Variants in CTNNA2 observed in about 807,000 individuals in gnomAD.
CTNNA2 encodes catenin alpha 2.
A neutral mutation model predicts 101.0 loss-of-function variants in CTNNA2; 42 were observed. That is an observed-to-expected ratio of 0.42 (90% CI 0.32 to 0.54). The LOEUF (loss-of-function observed/expected upper bound fraction) is 0.54, where lower values mean the gene tolerates loss of function less well. CTNNA2 is among the 20% of genes least tolerant of loss of function. CTNNA2 has a pLI of 0.14. For missense variants in CTNNA2, 871 were observed against 1,223.1 expected, an observed-to-expected ratio of 0.71 and a Z score of 4.29; for synonymous variants, 450 against 456.4, an observed-to-expected ratio of 0.99 and a Z score of 0.18.
chr2:79,922,783 G>A (rs992468350), intron 7 of CTNNA2, among the ~76,000 whole-genome samples: 7 of 151,846 alleles, frequency 4.6e-5, no homozygotes, highest in African/African-American at 7.3e-5. Context: ...TTAAGGACCC[G>A]CCCAAGGTCA....
intron 2 of CTNNA2, among the ~76,000 whole-genome samples, chr2:79,264,343 A>AT (rs1164693686): frequency 6.6e-6 from 1 of 152,144 alleles, no homozygotes; most frequent in Non-Finnish European, 1.5e-5. Flanking sequence ...TAAAATACGC[A>AT]TTTTTTAATA....
intron 1 of CTNNA2, among the ~76,000 whole-genome samples, chr2:79,650,793 C>T (rs1486259876): frequency 9.8e-5 from 12 of 122,546 alleles, no homozygotes; most frequent in Admixed American, 1.7e-4. Flanking sequence ...CCCCTCCCCC[C>T]ACCCCACAAC....
intron 7 of CTNNA2, chr2:80,162,883 C>G: frequency 6.3e-7 from 1 of 1,590,026 alleles, no homozygotes; most frequent in Non-Finnish European, 8.6e-7. Context: ...GTCATGTTAT[C>G]CCTAGTCCTT....
intron 7 of CTNNA2, among the ~76,000 whole-genome samples, chr2:80,324,365 C>T (rs1454074384): frequency 6.6e-6 from 1 of 152,096 alleles, no homozygotes; most frequent in African/African-American, 2.4e-5. Flanking sequence ...TGCTTCCATG[C>T]TGAGCTCATT....
At chr2:80,208,099 C>A (rs1442511497) in intron 7 of CTNNA2, among the ~76,000 whole-genome samples, 2 of 152,174 alleles carry the variant, frequency 1.3e-5, no homozygotes, top group Non-Finnish European at 2.9e-5. Context: ...CAAGACCAAT[C>A]CCTGTGCTAG....
rs541910583 is a variant in CTNNA2, at chr2:79,988,368, C to G, written c.1056+78571C>G. On this transcript the variant is annotated intron_variant, in intron 7 of 18. Transcript: ENST00000402739. ...GAATATTTAGCACTTGTCCTCAAACCCACTGACCAAGAGGGCATGTTAAAA... is the reference window on the plus strand; with the variant it reads ...GAATATTTAGCACTTGTCCTCAAACGCACTGACCAAGAGGGCATGTTAAAA... Among the ~76,000 whole-genome samples, 17 of 152,114 alleles carry G rather than the reference C, an allele frequency of 1.1e-4. No individual in the cohort carries two copies. The East Asian group carries it at 2.5e-3, about 22-fold the overall frequency.
intron 13 of CTNNA2, among the ~76,000 whole-genome samples, chr2:80,578,356 GTTTA>G (rs1408771081): frequency 1.3e-5 from 2 of 152,146 alleles, no homozygotes; most frequent in Non-Finnish European, 2.9e-5. Context: ...ACAGCGAACT[GTTTA>G]TTTTATTTAT....
chr2:79,472,851 A>C (rs960230092), intron 4 of CTNNA2, among the ~76,000 whole-genome samples: 1 of 152,174 alleles, frequency 6.6e-6, no homozygotes, highest in Admixed American at 6.5e-5. Context: ...GCAACCTTCA[A>C]CAATTTGCTG....
At chr2:80,388,439 T>A (rs768746867) in intron 7 of CTNNA2, among the ~76,000 whole-genome samples, 3 of 152,232 alleles carry the variant, frequency 2.0e-5, no homozygotes, top group Non-Finnish European at 4.4e-5. Context: ...AAACTTCAAC[T>A]GCCTGTCAAT....
intron 1 of CTNNA2, among the ~76,000 whole-genome samples, chr2:79,571,897 C>A (rs943493629): frequency 1.3e-5 from 2 of 152,050 alleles, no homozygotes; most frequent in Non-Finnish European, 2.9e-5. Flanking sequence ...TTAGTACTGT[C>A]TATACTTGAA....
chr2:79,634,300 T>C (rs1679874774), intron 1 of CTNNA2, among the ~76,000 whole-genome samples: 1 of 152,186 alleles, frequency 6.6e-6, no homozygotes, highest in South Asian at 2.1e-4. Context: ...TATTCCTGAA[T>C]GTTGAGCTCT....
At chr2:79,633,489 G>A (rs1679825998) in intron 1 of CTNNA2, among the ~76,000 whole-genome samples, 1 of 152,212 alleles carries the variant, frequency 6.6e-6, no homozygotes, top group Non-Finnish European at 1.5e-5. Context: ...TTAGCCTGGA[G>A]AGACAGATTC....
chr2:79,786,839 A>G (rs1674885395), intron 3 of CTNNA2, among the ~76,000 whole-genome samples: 1 of 152,128 alleles, frequency 6.6e-6, no homozygotes, highest in South Asian at 2.1e-4. Flanking sequence ...ATTGTCACCA[A>G]ATAAATACAA....
In CTNNA2 at chr2:80,399,947, C is replaced by T. The variant is rs1183099836; in HGVS notation, c.1137+6656C>T. ...TACCAGAACATTCATTTTACTACAC[C>T]CATCCTGGTTAAGTGAGGTTGGCCC... is the stretch of plus-strand genomic sequence containing the variant. On this transcript the variant is annotated intron_variant, in intron 8 of 18. Transcript: ENST00000402739. Among the ~76,000 whole-genome samples the T allele has an allele frequency of 3.3e-5, 5 of 152,120 alleles. No homozygotes were observed. In the East Asian group the frequency reaches 9.6e-4, roughly 29 times the overall value.
At chr2:80,435,537 T>G (rs773843127) in intron 9 of CTNNA2, among the ~76,000 whole-genome samples, 21 of 152,192 alleles carry the variant, frequency 1.4e-4, no homozygotes, top group Non-Finnish European at 2.8e-4. Context: ...CTAATTAGGA[T>G]TCTCCCACTG....
chr2:80,130,496 A>G (rs1284628927), intron 7 of CTNNA2, among the ~76,000 whole-genome samples: 1 of 152,102 alleles, frequency 6.6e-6, no homozygotes, highest in Non-Finnish European at 1.5e-5. Context: ...ATCATCTGCC[A>G]TTTGTATATC....
intron 3 of CTNNA2, among the ~76,000 whole-genome samples, chr2:79,831,903 T>C (rs183458611): frequency 1.3e-5 from 2 of 152,320 alleles, no homozygotes; most frequent in African/African-American, 4.8e-5. Flanking sequence ...TGATGAATAA[T>C]TTCTGCATTT....
At chr2:80,020,967 T>C (rs1428882861) in intron 7 of CTNNA2, among the ~76,000 whole-genome samples, 1 of 151,228 alleles carries the variant, frequency 6.6e-6, no homozygotes, top group Non-Finnish European at 1.5e-5. Flanking sequence ...TTCTCTTTGG[T>C]TGAAATTTTT....
At chr2:79,277,107 G>A (rs1359172810) in intron 2 of CTNNA2, among the ~76,000 whole-genome samples, 4 of 152,050 alleles carry the variant, frequency 2.6e-5, no homozygotes, top group Non-Finnish European at 5.9e-5. Flanking sequence ...ATAAAGAGCA[G>A]GATCTTTGTT....
Sources: gnomAD v4.1 joint callset for allele counts (sites outside exome capture counted in the v4.1 genomes callset) on GRCh38, gnomAD v4.1.1 for gene constraint, MANE v1.5 for transcripts, NCBI Gene and HGNC (gene_info 2026-07-23, HGNC 2026-07-21) for gene names.